Variants in SLC12A5 observed in about 807,000 individuals in gnomAD.
The protein encoded by SLC12A5 is solute carrier family 12 member 5, also known as K-Cl cotransporter 2.
A neutral mutation model predicts 124.0 loss-of-function variants in SLC12A5; 18 were observed. The observed-to-expected ratio is 0.15, with a 90% CI of 0.10 to 0.22. The LOEUF (loss-of-function observed/expected upper bound fraction) is 0.22, where lower values mean the gene tolerates loss of function less well. Among genes scored for constraint, SLC12A5 ranks in the 10% least tolerant of loss-of-function variants. The pLI, the probability that SLC12A5 is intolerant of heterozygous loss-of-function variation, is 1.00. For missense variants in SLC12A5, 867 were observed against 1,478.7 expected, an observed-to-expected ratio of 0.59 and a Z score of 6.78; for synonymous variants, 589 against 568.0, an observed-to-expected ratio of 1.04 and a Z score of -0.53.
intron 14 of SLC12A5, 111 bp downstream of exon 14, chr20:46,046,547 G>T (rs1329047247): frequency 4.6e-6 from 4 of 877,096 alleles, no homozygotes; most frequent in Non-Finnish European, 7.1e-6. Context: ...ACCTGAAGAG[G>T]ACATCCTTTT....
In SLC12A5 at chr20:46,053,841, C is replaced by A. The variant is rs1003823384; in HGVS notation, c.2679+132C>A. 2 of 1,050,236 alleles carry A rather than the reference C, an allele frequency of 1.9e-6. No individual in the cohort carries two copies. The highest frequency in any genetic ancestry group is 2.8e-5 in the East Asian group (1 of 35,416). 65.1% of individuals were successfully genotyped at this position (1,050,236 alleles called of 1,614,324 possible). A position where few individuals can be genotyped will look rare whatever the true frequency, so the allele number is the denominator to read the frequency against. ...CTTTCCCCCTCATCCATCTCTTAGC[C>A]TCTCACATATTCAGCCATCCCTCCC... On this transcript the variant is annotated intron_variant, in intron 20 of 25. Transcript: ENST00000243964. The surrounding 1 kb of genome is among the most constrained non-coding windows in gnomAD (Gnocchi z 4.7).
At chr20:46,046,885 GCA>G (rs1311565001) in intron 14 of SLC12A5, among the ~76,000 whole-genome samples, 1 of 152,238 alleles carries the variant, frequency 6.6e-6, no homozygotes, top group Non-Finnish European at 1.5e-5. Context: ...GATGCTCATT[GCA>G]CAGAGGCTGT....
chr20:46,030,548 C>G (rs893090369), intron 1 of SLC12A5, among the ~76,000 whole-genome samples: 3 of 149,544 alleles, frequency 2.0e-5, no homozygotes, highest in Non-Finnish European at 3.0e-5. Context: ...GGCGCTGCGT[C>G]CCCTGCGCAC....
intron 1 of SLC12A5, among the ~76,000 whole-genome samples, chr20:46,033,886 G>A (rs1000684212): frequency 6.6e-6 from 1 of 152,088 alleles, no homozygotes; most frequent in East Asian, 1.9e-4. Flanking sequence ...CTCTAACTAC[G>A]GTACTCTGTT....
chr20:46,055,492 C>A (rs930227422), intron 21 of SLC12A5, among the ~76,000 whole-genome samples: 4 of 152,010 alleles, frequency 2.6e-5, no homozygotes, highest in African/African-American at 7.3e-5. Context: ...GATAAGCCCC[C>A]CCATAGGGTG....
At chr20:46,047,878 C>G (rs2084610303) in intron 15 of SLC12A5, 103 bp from the exon 16 acceptor site, 1 of 1,130,292 alleles carries the variant, frequency 8.8e-7, no homozygotes, top group Non-Finnish European at 1.3e-6. Flanking sequence ...CCTTTCTGAG[C>G]CTGAGAGATG....
chr20:46,045,275 C>A lies in SLC12A5; in HGVS notation c.1569+135C>A. On this transcript the variant is annotated intron_variant, in intron 12 of 25. Transcript: ENST00000243964. This position sits in a 1 kb window ranked among gnomAD's most constrained non-coding sequence, Gnocchi z 4.9. Reference sequence around the variant, plus strand: ...CACTTCTGCTCTGTACTGCACTGGCCAGGCCTATCTGGCAGGGTCTGAGGC... The same window carrying A: ...CACTTCTGCTCTGTACTGCACTGGCAAGGCCTATCTGGCAGGGTCTGAGGC... 1 of 1,083,214 alleles carries A rather than the reference C, an allele frequency of 9.2e-7. No individual in the cohort carries two copies. Among genetic ancestry groups the A allele is most frequent in the Non-Finnish European group, 1.3e-6 (1 of 787,000 alleles). The allele number at this position is 1,083,214 out of a possible 1,614,324, so 67.1% of individuals were successfully genotyped here.
intron 1 of SLC12A5, among the ~76,000 whole-genome samples, chr20:46,033,493 A>G (rs991349005): frequency 3.9e-5 from 6 of 152,168 alleles, no homozygotes; most frequent in African/African-American, 1.4e-4. Context: ...TCATCTAGGC[A>G]CATGGCTTCA....
In SLC12A5 at chr20:46,049,709, G is replaced by A. The variant is rs6032635; in HGVS notation, c.2100G>A (p.Ala700=). ...TCTCACTGACCTCCCAGCTGAAGGC[G>A]GGGAAGGGCCTGACCATCGTGGGCT... ...QLLSLTSQLK[A]GKGLTIVGSV... Residue 700 remains alanine (A), a synonymous_variant, in exon 17 of 26, where the codon GCG becomes GCA. Transcript: ENST00000243964. 1 allele frequency: 1,601,900 copies of A among 1,606,090 alleles called. 798,972 individuals are homozygous for A. The highest frequency in any genetic ancestry group is 1 in the East Asian group (44,650 of 44,650).
chr20:46,056,230 A>T lies in SLC12A5; in HGVS notation c.2868A>T (p.Pro956=). 6.2e-7 allele frequency: 1 copy of T among 1,614,204 alleles called. No individual in the cohort carries two copies. The highest frequency in any genetic ancestry group is 8.5e-7 in the Non-Finnish European group (1 of 1,180,032). ...ACACGCGGCTCCGCCTGAACGTCCC[A>T]GAAGAGACGGCTGGTGACAGTGAAG... ...PANTRLRLNV[P]EETAGDSEEK... Residue 956 remains proline (P), a synonymous_variant, in exon 22 of 26, where the codon CCA becomes CCT. Coordinates refer to ENST00000243964, the MANE Select transcript of SLC12A5 (RefSeq NM_020708.5). The surrounding 1 kb of genome is among the most constrained non-coding windows in gnomAD (Gnocchi z 4.3).
At chr20:46,024,890 T>C (rs1045130795), upstream of SLC12A5, among the ~76,000 whole-genome samples, 1 of 152,200 alleles carries the variant, frequency 6.6e-6, no homozygotes, top group Non-Finnish European at 1.5e-5. Flanking sequence ...GATCCTCTAC[T>C]ATGCCTCCAT....
chr20:46,032,524 T>C (rs1268560984), intron 1 of SLC12A5, among the ~76,000 whole-genome samples: 1 of 152,214 alleles, frequency 6.6e-6, no homozygotes, highest in Non-Finnish European at 1.5e-5. Flanking sequence ...ATGATAGCAA[T>C]AGCCACACTC....
At position 46,057,086 on chromosome 20, in the gene SLC12A5, C is replaced by T. The variant is rs2145508926; in HGVS notation, c.3126-84C>T. On this transcript the variant is annotated intron_variant, in intron 24 of 25. Coordinates refer to ENST00000243964, the MANE Select transcript of SLC12A5 (RefSeq NM_020708.5). This position sits in a 1 kb window ranked among gnomAD's most constrained non-coding sequence, Gnocchi z 7.1. Reference sequence around the variant, plus strand: ...CTTGCAAGAACCAGTCCCCAGCAGCCCAGTTCGGGCTGGAAGGGCGACTGG... The same window carrying T: ...CTTGCAAGAACCAGTCCCCAGCAGCTCAGTTCGGGCTGGAAGGGCGACTGG... The T allele has an allele frequency of 6.2e-7, 1 of 1,601,972 alleles. No individual in the cohort carries two copies. The highest frequency in any genetic ancestry group is 8.5e-7 in the Non-Finnish European group (1 of 1,171,200).
At position 46,053,047 on chromosome 20, in the gene SLC12A5, A is replaced by T; in HGVS notation, c.2468A>T (p.Glu823Val). The T allele has an allele frequency of 1.9e-6, 3 of 1,614,148 alleles. No individual in the cohort carries two copies. Among genetic ancestry groups the T allele is most frequent in the Non-Finnish European group, 2.5e-6 (3 of 1,179,996 alleles). ...CCTGGGAACCCTGAGCGCTTCTCTGAGGGCAGCATCGACGTTTGGTGGATT... is the reference window on the plus strand; with the variant it reads ...CCTGGGAACCCTGAGCGCTTCTCTGTGGGCAGCATCGACGTTTGGTGGATT... ...MFPGNPERFS[E>V]GSIDVWWIVH... The change falls in exon 19 of 26, where the codon GAG becomes GTG. Residue 823 changes from glutamate (E) to valine (V), a missense_variant. Physicochemically the swap from Glu to Val is moderately radical, Grantham distance 121 (BLOSUM62 -2). Transcript: ENST00000243964. This position sits in a 1 kb window ranked among gnomAD's most constrained non-coding sequence, Gnocchi z 4.7.
chr20:46,049,560 G>T, intron 16 of SLC12A5, 62 bp from the exon 17 acceptor site: 1 of 1,548,244 alleles, frequency 6.5e-7, no homozygotes, highest in African/African-American at 1.4e-5. Context: ...GGTGGTGGGT[G>T]TATGGTGTGT....
Position 46,058,397 on chromosome 20 carries a change from C to G in SLC12A5, c.*792C>G, listed in dbSNP as rs1260587827. 1.3e-5 allele frequency: 5 copies of G among 398,626 alleles called. No individual in the cohort carries two copies. The highest frequency in any genetic ancestry group is 2.2e-5 in the Non-Finnish European group (5 of 226,132). The allele number at this position is 398,626 out of a possible 1,614,324, so 24.7% of individuals were successfully genotyped here. On this transcript the variant is annotated 3_prime_UTR_variant, in exon 26 of 26. Coordinates refer to ENST00000243964, the MANE Select transcript of SLC12A5 (RefSeq NM_020708.5). This position sits in a 1 kb window ranked among gnomAD's most constrained non-coding sequence, Gnocchi z 5.8. ...TTGGCTTCCCACCCTCCTCTCCAGT[C>G]CTTTTCCGAGATGAGGTGAGACAAG...
chr20:46,039,318 T>C (rs2084524635), intron 6 of SLC12A5, among the ~76,000 whole-genome samples: 1 of 152,230 alleles, frequency 6.6e-6, no homozygotes, highest in Non-Finnish European at 1.5e-5. Context: ...ACTGACAACA[T>C]TTTGATGTAC....
chr20:46,038,265 C>CACTG (rs1434735530), intron 6 of SLC12A5: 2 of 152,104 alleles, frequency 1.3e-5, no homozygotes, highest in Non-Finnish European at 1.5e-5. Context: ...GTGGTGCAGT[C>CACTG]ACTGACAGCC....
chr20:46,024,892 T>A (rs1289802477), upstream of SLC12A5, among the ~76,000 whole-genome samples: 1 of 152,184 alleles, frequency 6.6e-6, no homozygotes. Flanking sequence ...TCCTCTACTA[T>A]GCCTCCATTT....
Sources: allele counts gnomAD v4.1 joint callset (sites outside exome capture counted in the v4.1 genomes callset), GRCh38; gene constraint gnomAD v4.1.1; non-coding constraint Gnocchi (gnomAD v3.1); transcripts MANE v1.5; gene names NCBI Gene and HGNC (gene_info 2026-07-23, HGNC 2026-07-21).